Variants in GRAMD1B observed in about 807,000 individuals in gnomAD.
GRAMD1B encodes protein Aster-B.
A neutral mutation model predicts 99.7 loss-of-function variants in GRAMD1B; 37 were observed. The observed-to-expected ratio is 0.37, with a 90% CI of 0.29 to 0.49. GRAMD1B has a LOEUF of 0.49. GRAMD1B is among the 20% of genes least tolerant of loss of function. GRAMD1B has a pLI of 0.98. For synonymous variants in GRAMD1B, 427 were observed against 387.6 expected (o/e 1.10, Z -1.19); for missense variants, 888 against 1,009.2 (o/e 0.88, Z 1.63).
chr11:123,557,456 C>T (rs1340999061), intron 2 of GRAMD1B, among the ~76,000 whole-genome samples: 1 of 152,222 alleles, frequency 6.6e-6, no homozygotes, highest in Non-Finnish European at 1.5e-5. Context: ...TATCCAAACT[C>T]AAGGCTTCTG....
At chr11:123,366,709 C>G (rs188122725) in intron 1 of GRAMD1B, among the ~76,000 whole-genome samples, 2 of 152,230 alleles carry the variant, frequency 1.3e-5, no homozygotes, top group Admixed American at 6.5e-5. Flanking sequence ...GAAAGAAGTG[C>G]GTTGATGGAT....
At chr11:123,583,480 A>G (rs1330871625) in intron 3 of GRAMD1B, among the ~76,000 whole-genome samples, 1 of 152,142 alleles carries the variant, frequency 6.6e-6, no homozygotes, top group African/African-American at 2.4e-5. Flanking sequence ...ATATGTGCAC[A>G]CAAGCTTGTC....
chr11:123,594,646 C>A, intron 5 of GRAMD1B, 89 bp from the exon 6 acceptor site: 1 of 741,388 alleles, frequency 1.3e-6, no homozygotes, highest in Non-Finnish European at 2.5e-6. Flanking sequence ...TCCCCCAGTG[C>A]TGGTGGGAGG....
chr11:123,375,911 G>A (rs1946677667), intron 1 of GRAMD1B, among the ~76,000 whole-genome samples: 1 of 152,162 alleles, frequency 6.6e-6, no homozygotes, highest in Admixed American at 6.5e-5. Flanking sequence ...TTGTTTCTGG[G>A]GGAAGAACAA....
intron 2 of GRAMD1B, among the ~76,000 whole-genome samples, chr11:123,540,957 TTTTTC>T (rs201446605): frequency 9.2e-5 from 14 of 152,048 alleles, no homozygotes; most frequent in African/African-American, 2.9e-4. Flanking sequence ...ATGACTAGCA[TTTTTC>T]TTTTCTTTTC....
In GRAMD1B at chr11:123,525,863, C is replaced by T. The variant is rs1409653075; in HGVS notation, c.452+44970C>T. ...ACCCATCCTCATCAGAAACTGGCAG[C>T]GGCAGCCACAGCTCGGGCAGGCGGC... is the stretch of plus-strand genomic sequence containing the variant. On this transcript the variant is annotated intron_variant, in intron 2 of 19. Coordinates refer to ENST00000635736, the MANE Select transcript of GRAMD1B (RefSeq NM_001387025.1). 6.7e-5 allele frequency: 33 copies of T among 495,512 alleles called. No homozygotes were observed. In the East Asian group the frequency reaches 9.1e-4, roughly 14 times the overall value. The allele number at this position is 495,512 out of a possible 1,614,324, so 30.7% of individuals were successfully genotyped here.
intron 1 of GRAMD1B, among the ~76,000 whole-genome samples, chr11:123,371,435 T>A (rs1026580717): frequency 6.6e-6 from 1 of 152,212 alleles, no homozygotes; most frequent in Non-Finnish European, 1.5e-5. Flanking sequence ...CCACAGAATT[T>A]TTTTTTAAAG....
chr11:123,461,913 C>G (rs7112745), intron 1 of GRAMD1B, among the ~76,000 whole-genome samples: 54,705 of 148,638 alleles, frequency 0.37, 10,764 homozygotes, highest in East Asian at 0.5. Flanking sequence ...GCCAAGATAG[C>G]TCTACTTTCA....
chr11:123,577,245 G>C lies in GRAMD1B; in HGVS notation c.453-122G>C, dbSNP rs1234336208. On this transcript the variant is annotated intron_variant, in intron 2 of 19. Transcript: ENST00000635736. ...GCCCCTCTCTCCCGGTTTCTCCCCA[G>C]CCCCTCACCTGGCTCCCTGAGCTGG... 3 of 816,972 alleles carry C rather than the reference G, an allele frequency of 3.7e-6. No homozygotes were observed. The African/African-American group carries it at 5.0e-5, about 14-fold the overall frequency. The allele number at this position is 816,972 out of a possible 1,614,324, so 50.6% of individuals were successfully genotyped here.
intron 17 of GRAMD1B, 61 bp downstream of exon 17, chr11:123,614,896 C>G: frequency 2.1e-6 from 2 of 949,376 alleles, no homozygotes; most frequent in Non-Finnish European, 3.3e-6. Flanking sequence ...GCCTGGTGCC[C>G]CAGCCCTCGT....
chr11:123,430,496 G>A lies in GRAMD1B; in HGVS notation c.-297G>A, dbSNP rs937098978. ...AAGAAAAACAAGCGGGCGCGCGAGG[G>A]GAGCCCCAGGAGGGCTGCCGAGTGG... On this transcript the variant is annotated 5_prime_UTR_variant, in exon 1 of 20. Transcript: ENST00000635736. The A allele has an allele frequency of 2.0e-5, 8 of 393,774 alleles. No individual in the cohort carries two copies. The highest frequency in any genetic ancestry group is 6.6e-5 in the South Asian group (1 of 15,164). 24.4% of individuals were successfully genotyped at this position (393,774 alleles called of 1,614,324 possible).
chr11:123,502,376 T>A (rs1939951888), intron 2 of GRAMD1B, among the ~76,000 whole-genome samples: 1 of 152,182 alleles, frequency 6.6e-6, no homozygotes, highest in Admixed American at 6.5e-5. Context: ...GGCCAGGCAA[T>A]ATTACTGGAC....
rs1174682240 is a variant in GRAMD1B at position 123,612,921 on chromosome 11, G to A, written c.2023+57G>A. 8.4e-6 allele frequency: 8 copies of A among 951,510 alleles called. No individual in the cohort carries two copies. The Admixed American group carries it at 9.7e-5, about 12-fold the overall frequency. 58.9% of individuals were successfully genotyped at this position (951,510 alleles called of 1,614,324 possible). A position where few individuals can be genotyped will look rare whatever the true frequency, so the allele number is the denominator to read the frequency against. ...CTGCAGAGATGGTAAACTGCACTGC[G>A]GCCGCCCACCATTCAGGGGAATGGT... On this transcript the variant is annotated intron_variant, in intron 15 of 19. Transcript: ENST00000635736.
intron 1 of GRAMD1B, among the ~76,000 whole-genome samples, chr11:123,390,615 T>C (rs1317085747): frequency 6.6e-6 from 1 of 152,256 alleles, no homozygotes; most frequent in Non-Finnish European, 1.5e-5. Flanking sequence ...TGGCTTTGAG[T>C]CCATATAGAA....
At chr11:123,569,725 G>T (rs1433318553) in intron 2 of GRAMD1B, among the ~76,000 whole-genome samples, 1 of 152,224 alleles carries the variant, frequency 6.6e-6, no homozygotes, top group Non-Finnish European at 1.5e-5. Context: ...AACTGAGAAA[G>T]ATTATTAATG....
At chr11:123,533,065 G>A (rs1363406899) in intron 2 of GRAMD1B, among the ~76,000 whole-genome samples, 1 of 152,184 alleles carries the variant, frequency 6.6e-6, no homozygotes, top group Non-Finnish European at 1.5e-5. Flanking sequence ...CGCCTCCCTG[G>A]TTCAAGCGAT....
intron 2 of GRAMD1B, among the ~76,000 whole-genome samples, chr11:123,523,923 A>G (rs1276070782): frequency 6.6e-6 from 1 of 152,232 alleles, no homozygotes; most frequent in Non-Finnish European, 1.5e-5. Flanking sequence ...TTTGTCTGGC[A>G]TGGGGCTATG....
chr11:123,364,442 A>C (rs1946251133), intron 1 of GRAMD1B, among the ~76,000 whole-genome samples: 1 of 152,258 alleles, frequency 6.6e-6, no homozygotes, highest in African/African-American at 2.4e-5. Flanking sequence ...GGCAGGATTG[A>C]CAGTCTATTA....
intron 2 of GRAMD1B, among the ~76,000 whole-genome samples, chr11:123,494,303 C>T (rs1938951620): frequency 6.6e-6 from 1 of 152,130 alleles, no homozygotes; most frequent in Non-Finnish European, 1.5e-5. Flanking sequence ...TTAAACTTTT[C>T]ATGCTCATGG....
Sources: allele counts gnomAD v4.1 joint callset (sites outside exome capture counted in the v4.1 genomes callset), GRCh38; gene constraint gnomAD v4.1.1; transcripts MANE v1.5; gene names NCBI Gene and HGNC (gene_info 2026-07-23, HGNC 2026-07-21).